The following RIMS1 variants were observed in gnomAD, a reference collection of about 807,000 sequenced individuals.
The protein encoded by RIMS1 is regulating synaptic membrane exocytosis protein 1.
RIMS1 carries 83 observed loss-of-function variants against 214.1 expected under a neutral mutation model. That is an observed-to-expected ratio of 0.39 (90% CI 0.32 to 0.47). The LOEUF (loss-of-function observed/expected upper bound fraction) is 0.47, where lower values mean the gene tolerates loss of function less well. Ranked by LOEUF, RIMS1 falls within the 20% of genes least tolerant of loss-of-function variation. The pLI is 0.99. For synonymous variants in RIMS1, 793 were observed against 786.8 expected, an observed-to-expected ratio of 1.01 and a Z score of -0.13; for missense variants, 2,050 against 2,161.8, an observed-to-expected ratio of 0.95 and a Z score of 1.03.
intron 19 of RIMS1, chr6:72,260,969 C>T (rs1487592613): frequency 5.9e-6 from 8 of 1,355,454 alleles, no homozygotes; most frequent in Non-Finnish European, 6.7e-6. Flanking sequence ...ACTGCTTTGC[C>T]ATCTGTAGAT....
chr6:72,385,914 C>T (rs1041561491), intron 29 of RIMS1, among the ~76,000 whole-genome samples: 1 of 152,116 alleles, frequency 6.6e-6, no homozygotes, highest in Non-Finnish European at 1.5e-5. Flanking sequence ...AATTGAAGCT[C>T]TTTTCATGAA....
Position 72,357,716 on chromosome 6 carries a change from T to G in RIMS1, c.4366+23881T>G, listed in dbSNP as rs556571089. Among the ~76,000 whole-genome samples, 3 of 152,300 alleles carry G rather than the reference T, an allele frequency of 2.0e-5. No homozygotes were observed. In the East Asian group the frequency reaches 5.8e-4, roughly 29 times the overall value. On this transcript the variant is annotated intron_variant, in intron 29 of 33. Transcript: ENST00000521978. ...TTAATCAAATCCTTCTTTACTTGAT[T>G]TTTACATACATATGATATTCAACAT...
At chr6:72,030,076 C>T (rs1817657310) in intron 2 of RIMS1, among the ~76,000 whole-genome samples, 2 of 152,122 alleles carry the variant, frequency 1.3e-5, no homozygotes, top group Non-Finnish European at 2.9e-5. Context: ...TTATTCAGGG[C>T]CAGACCATGT....
At chr6:72,074,075 G>T (rs1282149380) in intron 2 of RIMS1, among the ~76,000 whole-genome samples, 1 of 152,116 alleles carries the variant, frequency 6.6e-6, no homozygotes, top group Admixed American at 6.5e-5. Flanking sequence ...TGCCGAAAGA[G>T]TCCATGACAC....
chr6:72,348,649 G>A (rs966913079), intron 29 of RIMS1, among the ~76,000 whole-genome samples: 18 of 151,928 alleles, frequency 1.2e-4, no homozygotes, highest in African/African-American at 4.1e-4. Context: ...CTAATGGTGA[G>A]GTTTGGGCTT....
chr6:72,003,771 T>A (rs1426754585), intron 2 of RIMS1, among the ~76,000 whole-genome samples: 1 of 152,108 alleles, frequency 6.6e-6, no homozygotes, highest in Non-Finnish European at 1.5e-5. Flanking sequence ...TTTAATTAAC[T>A]GTTCACAGTG....
intron 28 of RIMS1, among the ~76,000 whole-genome samples, chr6:72,325,109 A>G (rs1355161675): frequency 1.3e-5 from 2 of 151,954 alleles, no homozygotes; most frequent in African/African-American, 2.4e-5. Flanking sequence ...TTTAAAGAAT[A>G]AATACTCTTA....
intron 6 of RIMS1, among the ~76,000 whole-genome samples, chr6:72,190,811 G>C (rs1470527578): frequency 6.6e-6 from 1 of 152,140 alleles, no homozygotes; most frequent in Non-Finnish European, 1.5e-5. Flanking sequence ...GGCTAGATGG[G>C]TCAGAAAGTA....
intron 2 of RIMS1, among the ~76,000 whole-genome samples, chr6:72,061,255 A>G (rs773994639): frequency 4.6e-5 from 7 of 152,224 alleles, no homozygotes; most frequent in Non-Finnish European, 8.8e-5. Context: ...ACTATCATAT[A>G]CAAACTATAA....
chr6:71,941,318 A>T (rs908736757), intron 1 of RIMS1, among the ~76,000 whole-genome samples: 2 of 152,214 alleles, frequency 1.3e-5, no homozygotes, highest in African/African-American at 4.8e-5. Context: ...TGTTGGATTT[A>T]TCTATCCCAT....
At chr6:72,190,065 G>A (rs2049807868) in intron 6 of RIMS1, among the ~76,000 whole-genome samples, 1 of 152,100 alleles carries the variant, frequency 6.6e-6, no homozygotes, top group Non-Finnish European at 1.5e-5. Flanking sequence ...TCACACATCT[G>A]GCCATTTCTC....
intron 29 of RIMS1, among the ~76,000 whole-genome samples, chr6:72,356,305 TAA>T (rs560586187): frequency 6.9e-6 from 1 of 144,012 alleles, no homozygotes; most frequent in Admixed American, 7.0e-5. Context: ...AAGGTAAGTT[TAA>T]AAAAAAAAAA....
In RIMS1 at chr6:72,247,988, ATTAC is replaced by A. The variant is rs751162112; in HGVS notation, c.2129-20_2129-17del. 9 of 1,417,186 alleles carry A rather than the reference ATTAC, an allele frequency of 6.4e-6. No homozygotes were observed. In the African/African-American group the frequency reaches 7.0e-5, roughly 11 times the overall value. The allele number at this position is 1,417,186 out of a possible 1,614,324, so 87.8% of individuals were successfully genotyped here. A position where few individuals can be genotyped will look rare whatever the true frequency, so the allele number is the denominator to read the frequency against. ...AAAAATATTTCCTACACTTACAAAT[ATTAC>A]TTACTTTTTTTTCTCATTTTAGGTT... On this transcript the variant is annotated intron_variant, in intron 11 of 33. Coordinates refer to ENST00000521978, the MANE Select transcript of RIMS1 (RefSeq NM_014989.7).
At chr6:72,259,919 C>T (rs1284714457) in intron 18 of RIMS1, among the ~76,000 whole-genome samples, 1 of 152,066 alleles carries the variant, frequency 6.6e-6, no homozygotes, top group Non-Finnish European at 1.5e-5. Context: ...TAATTTTTCG[C>T]CATGGAGTCA....
At chr6:72,386,697 A>G (rs1055661457) in intron 29 of RIMS1, among the ~76,000 whole-genome samples, 1 of 143,312 alleles carries the variant, frequency 7.0e-6, no homozygotes, top group African/African-American at 2.6e-5. Flanking sequence ...TTTTTTCCCT[A>G]TCAGCGATAT....
chr6:72,185,775 G>A (rs1306688688), intron 6 of RIMS1, among the ~76,000 whole-genome samples: 1 of 152,152 alleles, frequency 6.6e-6, no homozygotes, highest in Non-Finnish European at 1.5e-5. Flanking sequence ...AAATTACTAT[G>A]CATTGCCATA....
chr6:71,977,111 A>T (rs1044581363), intron 2 of RIMS1, among the ~76,000 whole-genome samples: 1 of 152,126 alleles, frequency 6.6e-6, no homozygotes, highest in Non-Finnish European at 1.5e-5. Context: ...CCACTTGTAG[A>T]CTGTTACCAC....
At chr6:72,086,793 A>G (rs751598671) in intron 2 of RIMS1, among the ~76,000 whole-genome samples, 18 of 152,194 alleles carry the variant, frequency 1.2e-4, no homozygotes, top group Admixed American at 9.8e-4. Context: ...GAGAAATTGA[A>G]CTACCTCAGA....
intron 2 of RIMS1, among the ~76,000 whole-genome samples, chr6:71,988,141 T>C (rs530652918): frequency 1.3e-5 from 2 of 152,248 alleles, no homozygotes; most frequent in African/African-American, 4.8e-5. Flanking sequence ...ATAATAATTA[T>C]AAATGGTTCT....
Sources: allele counts gnomAD v4.1 joint callset (sites outside exome capture counted in the v4.1 genomes callset), GRCh38; gene constraint gnomAD v4.1.1; transcripts MANE v1.5; gene names NCBI Gene and HGNC (gene_info 2026-07-23, HGNC 2026-07-21).